Variants in TMCO1 observed in about 807,000 individuals in gnomAD.
TMCO1 encodes transmembrane and coiled-coil domains 1, also known as calcium load-activated calcium channel.
Under a neutral mutation model 29.3 loss-of-function variants are expected in TMCO1, and 29 were observed. The ratio of observed to expected loss-of-function variants is 0.99; its 90% CI spans 0.74 to 1.35. The LOEUF is 1.35. Ranked by LOEUF, TMCO1 falls within the 40% of genes most tolerant of loss-of-function variation. TMCO1 has a pLI of 0.00. For missense variants in TMCO1, 173 were observed against 225.5 expected, an observed-to-expected ratio of 0.77 and a Z score of 1.49; for synonymous variants, 80 against 77.1, an observed-to-expected ratio of 1.04 and a Z score of -0.20.
At chr1:165,754,014 GAC>G (rs1444581954) in intron 4 of TMCO1, among the ~76,000 whole-genome samples, 2 of 152,138 alleles carry the variant, frequency 1.3e-5, no homozygotes, top group Non-Finnish European at 2.9e-5. Flanking sequence ...TGACCTCTGA[GAC>G]AGTCTAAAAA....
intron 5 of TMCO1, among the ~76,000 whole-genome samples, chr1:165,747,331 A>C (rs1022666894): frequency 1.9e-4 from 29 of 150,294 alleles, no homozygotes; most frequent in African/African-American, 6.3e-4. Flanking sequence ...GCAAACTAGA[A>C]AATATGAAAT....
At chr1:165,736,171 C>T (rs148687618) in intron 6 of TMCO1, among the ~76,000 whole-genome samples, 61 of 152,228 alleles carry the variant, frequency 4.0e-4, no homozygotes, top group Non-Finnish European at 7.2e-4. Flanking sequence ...CACCAGACAC[C>T]GAATTTGCCT....
chr1:165,735,813 G>T (rs1224835551), intron 6 of TMCO1, among the ~76,000 whole-genome samples: 1 of 152,070 alleles, frequency 6.6e-6, no homozygotes, highest in African/African-American at 2.4e-5. Context: ...CCACGCCTGG[G>T]TCTGCTTAAT....
chr1:165,739,012 C>T (rs1651488131), intron 6 of TMCO1, among the ~76,000 whole-genome samples: 1 of 152,122 alleles, frequency 6.6e-6, no homozygotes, highest in Admixed American at 6.5e-5. Context: ...TCACTAGACA[C>T]TGAATTTGCA....
downstream of TMCO1, chr1:165,725,014 CTCTCTCTCTCTATATATATA>C (rs1175750335): frequency 4.1e-5 from 8 of 197,526 alleles, no homozygotes; most frequent in African/African-American, 3.7e-4. Flanking sequence ...CTCTCTCTCT[CTCTCTCTCTCTATATATATA>C]TATATATATA....
intron 1 of TMCO1, 122 bp downstream of exon 1, chr1:165,768,560 A>C (rs957457136): frequency 5.7e-6 from 9 of 1,576,154 alleles, no homozygotes; most frequent in Admixed American, 5.6e-5. Context: ...AGATTCCCTG[A>C]AGTGGAGTAG....
At chr1:165,755,612 G>A (rs2101810021) in intron 3 of TMCO1, among the ~76,000 whole-genome samples, 1 of 152,280 alleles carries the variant, frequency 6.6e-6, no homozygotes. Flanking sequence ...CCATGAACAT[G>A]CCACTATACT....
chr1:165,752,099 C>T lies in TMCO1; in HGVS notation c.323+3G>A, dbSNP rs372701032. On this transcript the variant is annotated splice_donor_region_variant and intron_variant, in intron 5 of 6. Coordinates refer to ENST00000367881, the MANE Select transcript of TMCO1 (RefSeq NM_019026.6). The stretch of plus-strand genomic sequence containing the variant: ...AGTCAAAAGCATATAAAAGGACACT[C>T]ACATGGAATTGAACATTCCCATTAG... The T allele has an allele frequency of 1.2e-6, 2 of 1,609,224 alleles. No homozygotes were observed. The highest frequency in any genetic ancestry group is 1.7e-5 in the Admixed American group (1 of 59,958).
intron 6 of TMCO1, among the ~76,000 whole-genome samples, chr1:165,729,859 T>A (rs1170438369): frequency 1.3e-5 from 2 of 152,072 alleles, no homozygotes; most frequent in East Asian, 1.9e-4. Flanking sequence ...CAGAACAAAC[T>A]CCATTCTGTG....
At chr1:165,749,482 T>C (rs1651919725) in intron 5 of TMCO1, among the ~76,000 whole-genome samples, 1 of 152,144 alleles carries the variant, frequency 6.6e-6, no homozygotes, top group Admixed American at 6.6e-5. Flanking sequence ...CCAAAATAAA[T>C]TGTAGACGAA....
At position 165,746,064 on chromosome 1, in the gene TMCO1, G is replaced by A. The variant is rs184780446; in HGVS notation, c.324-2753C>T. On this transcript the variant is annotated intron_variant, in intron 5 of 6. Coordinates refer to ENST00000367881, the MANE Select transcript of TMCO1 (RefSeq NM_019026.6). ...TGGGAGGCTGAGGCGGGTGGATCAC[G>A]AGGTCAGGAGTTTGAGACCAGCCTG... Among the ~76,000 whole-genome samples, 298 of 151,994 alleles carry A rather than the reference G, an allele frequency of 2.0e-3. 1 individual carries two copies. Among genetic ancestry groups the A allele is most frequent in the Non-Finnish European group, 2.9e-3 (199 of 67,938 alleles).
chr1:165,752,807 T>A (rs79914171), intron 4 of TMCO1, among the ~76,000 whole-genome samples: 1,971 of 150,432 alleles, frequency 0.013, 52 homozygotes, highest in African/African-American at 0.047. Flanking sequence ...AAAAAAAAAA[T>A]AGTACTCCTT....
intron 2 of TMCO1, among the ~76,000 whole-genome samples, chr1:165,764,491 G>A (rs973136996): frequency 6.6e-6 from 1 of 152,158 alleles, no homozygotes; most frequent in Admixed American, 6.5e-5. Context: ...CTGGGAGACT[G>A]GATAAGGCTT....
At chr1:165,746,052 C>G (rs1264228979) in intron 5 of TMCO1, among the ~76,000 whole-genome samples, 1 of 152,044 alleles carries the variant, frequency 6.6e-6, no homozygotes, top group Non-Finnish European at 1.5e-5. Flanking sequence ...GAGGCTGAGG[C>G]GGGTGGATCA....
chr1:165,764,103 C>G (rs74121489), intron 2 of TMCO1, among the ~76,000 whole-genome samples: 15 of 152,230 alleles, frequency 9.9e-5, no homozygotes, highest in African/African-American at 3.1e-4. Flanking sequence ...CAATTTGAAG[C>G]TAAATTTGTT....
At chr1:165,724,558 A>ACAG (rs1208920656), downstream of TMCO1, 1 of 454,016 alleles carries the variant, frequency 2.2e-6, no homozygotes, top group African/African-American at 2.0e-5. Flanking sequence ...CCCAGACTCC[A>ACAG]CAGCAGACTT....
intron 6 of TMCO1, among the ~76,000 whole-genome samples, chr1:165,729,144 TAC>T (rs1380915853): frequency 4.7e-5 from 7 of 149,682 alleles, no homozygotes; most frequent in Non-Finnish European, 1.0e-4. Context: ...TCAATTTCTT[TAC>T]AGTGTTGAAA....
chr1:165,742,122 G>A (rs965601170), intron 6 of TMCO1, among the ~76,000 whole-genome samples: 1 of 152,360 alleles, frequency 6.6e-6, no homozygotes, highest in Non-Finnish European at 1.5e-5. Context: ...ACTTGTGTAA[G>A]TGTAAGGAAA....
intron 3 of TMCO1, among the ~76,000 whole-genome samples, chr1:165,758,731 T>C (rs1300578646): frequency 7.1e-6 from 1 of 140,110 alleles, no homozygotes; most frequent in Non-Finnish European, 1.6e-5. Context: ...AACTGACACA[T>C]ACAGCGTAAA....
Sources: gnomAD v4.1 joint callset for allele counts (sites outside exome capture counted in the v4.1 genomes callset) on GRCh38, gnomAD v4.1.1 for gene constraint, MANE v1.5 for transcripts, NCBI Gene and HGNC (gene_info 2026-07-23, HGNC 2026-07-21) for gene names.